The following CASP5 variants were observed in gnomAD, a reference collection of about 807,000 sequenced individuals.
The protein encoded by CASP5 is caspase-5.
Under a neutral mutation model 45.2 loss-of-function variants are expected in CASP5, and 42 were observed. The ratio of observed to expected loss-of-function variants is 0.93; its 90% CI spans 0.73 to 1.20. The LOEUF is 1.20. CASP5 is among the 50% of genes most tolerant of loss of function. The pLI is 0.00. For synonymous variants in CASP5, 209 were observed against 186.2 expected (o/e 1.12, Z -1.00); for missense variants, 512 against 532.2 (o/e 0.96, Z 0.37).
At chr11:105,020,966 G>C (rs377754425) in intron 1 of CASP5, among the ~76,000 whole-genome samples, 13 of 152,092 alleles carry the variant, frequency 8.5e-5, no homozygotes, top group Admixed American at 3.9e-4. Flanking sequence ...CAGAGATATA[G>C]ATCAATGGAA....
chr11:105,003,426 T>G, intron 3 of CASP5, 43 bp from the exon 4 acceptor site: 2 of 1,070,606 alleles, frequency 1.9e-6, no homozygotes, highest in South Asian at 2.8e-5. Flanking sequence ...TCTGCCTCTG[T>G]GACCCAATTT....
intron 1 of CASP5, among the ~76,000 whole-genome samples, chr11:105,009,758 TACAC>T (rs1199603594): frequency 0.031 from 2,753 of 89,950 alleles, 67 homozygotes; most frequent in Non-Finnish European, 0.038. Flanking sequence ...TATATATATA[TACAC>T]ACACACACGT....
chr11:105,000,970 G>C (rs868566875), intron 5 of CASP5, among the ~76,000 whole-genome samples: 13 of 152,130 alleles, frequency 8.5e-5, no homozygotes, highest in Admixed American at 6.6e-5. Context: ...ACATGTGCCA[G>C]TTTCATTTTC....
chr11:105,020,813 C>A (rs376641950), intron 1 of CASP5, among the ~76,000 whole-genome samples: 84 of 151,988 alleles, frequency 5.5e-4, no homozygotes, highest in Non-Finnish European at 8.2e-4. Flanking sequence ...AACTACTTTA[C>A]AGTTCATATG....
At chr11:105,016,642 C>G (rs1862617235) in intron 1 of CASP5, among the ~76,000 whole-genome samples, 1 of 152,230 alleles carries the variant, frequency 6.6e-6, no homozygotes, top group East Asian at 1.9e-4. Context: ...CTGCACCTGG[C>G]TCGGAGGGTC....
chr11:105,005,357 T>C (rs1290099507), intron 3 of CASP5, among the ~76,000 whole-genome samples: 1 of 22,032 alleles, frequency 4.5e-5, no homozygotes, highest in Non-Finnish European at 7.4e-5. Context: ...TATATATATA[T>C]GTGTGTGTGT....
In CASP5 at chr11:105,013,786, AT is replaced by A. The variant is rs556920560; in HGVS notation, c.8-4807del. Reference sequence around the variant, plus strand: ...AAAATTGAACTGCTAATTTTCTTCTATTTCCATCCTTCATTTGCTCCTCCAT... The same window carrying A: ...AAAATTGAACTGCTAATTTTCTTCTATTCCATCCTTCATTTGCTCCTCCAT... On this transcript the variant is annotated intron_variant, in intron 1 of 9. Coordinates refer to ENST00000260315, the MANE Select transcript of CASP5 (RefSeq NM_004347.5). 1.8e-4 allele frequency among the ~76,000 whole-genome samples: 27 copies of A among 152,104 alleles called. No homozygotes were observed. In the East Asian group the frequency reaches 4.8e-3, roughly 27 times the overall value.
chr11:105,003,761 A>C (rs1029811529), intron 3 of CASP5, among the ~76,000 whole-genome samples: 2 of 152,122 alleles, frequency 1.3e-5, no homozygotes, highest in African/African-American at 4.8e-5. Flanking sequence ...AGAGTGTGCT[A>C]AGTAAATACT....
At chr11:105,015,737 G>A (rs1862555572) in intron 1 of CASP5, among the ~76,000 whole-genome samples, 1 of 142,294 alleles carries the variant, frequency 7.0e-6, no homozygotes, top group Non-Finnish European at 1.5e-5. Context: ...ATGCTTTTTA[G>A]TATCATAAAA....
At chr11:105,016,305 G>A (rs1862586750) in intron 1 of CASP5, among the ~76,000 whole-genome samples, 1 of 152,252 alleles carries the variant, frequency 6.6e-6, no homozygotes, top group Admixed American at 6.5e-5. Context: ...AGGGGGAGGC[G>A]CCAAGATGGC....
intron 7 of CASP5, among the ~76,000 whole-genome samples, 163 bp from the exon 8 acceptor site, chr11:104,997,655 C>G (rs1000142979): frequency 2.0e-5 from 3 of 152,068 alleles, no homozygotes; most frequent in Non-Finnish European, 2.9e-5. Flanking sequence ...GAAAAGCTGG[C>G]AAAGGTTGAA....
chr11:104,995,951 G>A (rs925560916), intron 8 of CASP5, 109 bp from the exon 9 acceptor site: 2 of 666,358 alleles, frequency 3.0e-6, no homozygotes, highest in Non-Finnish European at 2.7e-6. Flanking sequence ...AGGGTTGATA[G>A]GACCAAGCCC....
Position 105,007,306 on chromosome 11 carries a change from C to T in CASP5, c.210G>A (p.Lys70=), listed in dbSNP as rs759744273. ...KKDNHKKKTV[K]MLEYLGKDVL... ...CATCTTTGCCCAGGTATTCCAACATCTTAACTGTTTTTTTTTTGTGGTTGT... is the reference window on the plus strand; with the variant it reads ...CATCTTTGCCCAGGTATTCCAACATTTTAACTGTTTTTTTTTTGTGGTTGT... Residue 70 remains lysine (K), a synonymous_variant, in exon 3 of 10, where the codon AAG becomes AAA. Coordinates refer to ENST00000260315, the MANE Select transcript of CASP5 (RefSeq NM_004347.5). 2.2e-5 allele frequency: 35 copies of T among 1,596,338 alleles called. No individual in the cohort carries two copies. The highest frequency in any genetic ancestry group is 3.0e-5 in the Non-Finnish European group (35 of 1,176,246).
chr11:105,009,495 G>A (rs1481207410), intron 1 of CASP5, among the ~76,000 whole-genome samples: 1 of 151,368 alleles, frequency 6.6e-6, no homozygotes, highest in African/African-American at 2.4e-5. Flanking sequence ...TGCTCAAAAT[G>A]CTTAAAAGTG....
chr11:105,010,606 A>T (rs1039761805), intron 1 of CASP5, among the ~76,000 whole-genome samples: 2 of 151,198 alleles, frequency 1.3e-5, no homozygotes, highest in African/African-American at 4.8e-5. Flanking sequence ...GACTCTCACA[A>T]TAAACCAGTA....
chr11:105,012,426 A>G (rs1221142435), intron 1 of CASP5, among the ~76,000 whole-genome samples: 1 of 151,906 alleles, frequency 6.6e-6, no homozygotes, highest in African/African-American at 2.4e-5. Context: ...AAATTAAGAT[A>G]TGAGATTACA....
At position 105,003,315 on chromosome 11, in the gene CASP5, G is replaced by C; in HGVS notation, c.502C>G (p.Arg168Gly). The part of the protein sequence containing the change: ...ESTNILKLCP[R>G]EEFLRLCKKN... ...TTACACAGTCTCAGGAATTCTTCAC[G>C]AGGACAAAGTTTGAGTATATTTGTA... The change falls in exon 4 of 10, where the codon CGT becomes GGT. Residue 168 changes from arginine (R) to glycine (G), a missense_variant. Arg to Gly is a moderately radical substitution (Grantham distance 125, BLOSUM62 -2). Coordinates refer to ENST00000260315, the MANE Select transcript of CASP5 (RefSeq NM_004347.5). 1 of 1,606,796 alleles carries C rather than the reference G, an allele frequency of 6.2e-7. No individual in the cohort carries two copies. Among genetic ancestry groups the C allele is most frequent in the South Asian group, 1.1e-5 (1 of 90,094 alleles).
chr11:105,006,134 A>C (rs189998453), intron 3 of CASP5, among the ~76,000 whole-genome samples: 60 of 152,306 alleles, frequency 3.9e-4, no homozygotes, highest in Admixed American at 1.4e-3. Context: ...TGGATCTGAG[A>C]ACATTTAGGC....
chr11:105,003,046 A>AC (rs1388291991), intron 4 of CASP5, among the ~76,000 whole-genome samples: 3 of 151,606 alleles, frequency 2.0e-5, no homozygotes. Context: ...AAATTAAAAA[A>AC]AAAATCAGCC....
Sources: gnomAD v4.1 joint callset for allele counts (sites outside exome capture counted in the v4.1 genomes callset) on GRCh38, gnomAD v4.1.1 for gene constraint, MANE v1.5 for transcripts, NCBI Gene and HGNC (gene_info 2026-07-23, HGNC 2026-07-21) for gene names.